The following ADGRB3 variants were observed in gnomAD, a reference collection of about 807,000 sequenced individuals.
ADGRB3 encodes adhesion G protein-coupled receptor B3, also known as brain-specific angiogenesis inhibitor 3.
ADGRB3 carries 37 observed loss-of-function variants against 193.4 expected under a neutral mutation model. That is an observed-to-expected ratio of 0.19 (90% confidence interval 0.15 to 0.25). The LOEUF (loss-of-function observed/expected upper bound fraction) is 0.25, where lower values mean the gene tolerates loss of function less well. Among genes scored for constraint, ADGRB3 ranks in the 10% least tolerant of loss-of-function variants. ADGRB3 has a pLI of 1.00. For missense variants in ADGRB3, 1,637 were observed against 1,852.9 expected, an observed-to-expected ratio of 0.88 and a Z score of 2.14; for synonymous variants, 690 against 644.2, an observed-to-expected ratio of 1.07 and a Z score of -1.08.
At chr6:69,091,454 C>A (rs544607402) in intron 17 of ADGRB3, among the ~76,000 whole-genome samples, 1 of 152,254 alleles carries the variant, frequency 6.6e-6, no homozygotes, top group African/African-American at 2.4e-5. Flanking sequence ...GAATACTATG[C>A]AGCCATAAAA....
chr6:68,687,308 C>T (rs1764999915), intron 3 of ADGRB3, among the ~76,000 whole-genome samples: 1 of 151,918 alleles, frequency 6.6e-6, no homozygotes, highest in Non-Finnish European at 1.5e-5. Flanking sequence ...TAAATGTACA[C>T]ACATGCTCAT....
chr6:68,858,035 C>T (rs1765036399), intron 3 of ADGRB3, among the ~76,000 whole-genome samples: 1 of 152,204 alleles, frequency 6.6e-6, no homozygotes, highest in African/African-American at 2.4e-5. Context: ...TTGCCTTCCA[C>T]CATGATTGTG....
intron 3 of ADGRB3, among the ~76,000 whole-genome samples, chr6:68,847,018 G>T (rs916988294): frequency 9.9e-5 from 15 of 152,194 alleles, no homozygotes; most frequent in African/African-American, 3.6e-4. Flanking sequence ...CCCACCTCTT[G>T]CATCAGCATG....
intron 3 of ADGRB3, among the ~76,000 whole-genome samples, chr6:68,789,644 T>A (rs967420964): frequency 2.0e-5 from 3 of 152,208 alleles, no homozygotes; most frequent in Non-Finnish European, 4.4e-5. Flanking sequence ...GAGTTGCTCT[T>A]CTCGATGAGT....
At chr6:69,227,917 T>A (rs993086758) in intron 17 of ADGRB3, among the ~76,000 whole-genome samples, 11 of 152,196 alleles carry the variant, frequency 7.2e-5, no homozygotes, top group African/African-American at 2.7e-4. Flanking sequence ...AAACAATCTG[T>A]CTAGATCAAA....
chr6:68,838,627 T>A (rs977387831), intron 3 of ADGRB3, among the ~76,000 whole-genome samples: 4 of 152,200 alleles, frequency 2.6e-5, no homozygotes, highest in African/African-American at 9.6e-5. Context: ...AATGGGATGC[T>A]AGAAAGCACA....
intron 3 of ADGRB3, among the ~76,000 whole-genome samples, chr6:68,929,512 C>G (rs897460437): frequency 2.0e-5 from 3 of 152,146 alleles, no homozygotes; most frequent in Non-Finnish European, 2.9e-5. Flanking sequence ...CACTGGAACA[C>G]ACTTCACCCA....
intron 3 of ADGRB3, among the ~76,000 whole-genome samples, chr6:68,699,685 A>C (rs1050611063): frequency 4.0e-5 from 6 of 151,620 alleles, no homozygotes; most frequent in African/African-American, 1.5e-4. Flanking sequence ...GAGCTCTTAG[A>C]GTGACATAAT....
At chr6:69,146,356 A>G (rs183806118) in intron 17 of ADGRB3, among the ~76,000 whole-genome samples, 4 of 152,330 alleles carry the variant, frequency 2.6e-5, no homozygotes, top group Admixed American at 6.5e-5. Context: ...GAGAATCCAG[A>G]CAGAGGAAAC....
intron 10 of ADGRB3, among the ~76,000 whole-genome samples, chr6:68,979,050 A>C (rs1180723065): frequency 6.6e-6 from 1 of 151,284 alleles, no homozygotes; most frequent in East Asian, 1.9e-4. Context: ...GAGGTAAACA[A>C]AAGGGCCATC....
At chr6:68,849,553 T>G (rs1768354840) in intron 3 of ADGRB3, among the ~76,000 whole-genome samples, 4 of 151,964 alleles carry the variant, frequency 2.6e-5, no homozygotes, top group Admixed American at 2.6e-4. Context: ...GAAATATATT[T>G]TATTGTTTTA....
intron 17 of ADGRB3, among the ~76,000 whole-genome samples, chr6:69,113,643 A>C (rs1331134330): frequency 2.0e-5 from 3 of 152,198 alleles, no homozygotes; most frequent in African/African-American, 7.2e-5. Context: ...AATTTATATC[A>C]TTTGTTACAA....
chr6:68,932,878 A>T (rs963605360), intron 4 of ADGRB3, among the ~76,000 whole-genome samples: 6 of 150,568 alleles, frequency 4.0e-5, no homozygotes, highest in African/African-American at 1.5e-4. Flanking sequence ...TTAATATTTA[A>T]GAATTACTTC....
intron 3 of ADGRB3, among the ~76,000 whole-genome samples, chr6:68,685,706 G>A (rs528585814): frequency 5.9e-5 from 9 of 151,492 alleles, no homozygotes; most frequent in African/African-American, 9.7e-5. Context: ...GTGAAACCCC[G>A]TCTCTACTAA....
chr6:69,158,092 C>T (rs538633470), intron 17 of ADGRB3, among the ~76,000 whole-genome samples: 39 of 152,162 alleles, frequency 2.6e-4, no homozygotes, highest in Admixed American at 1.4e-3. Context: ...CTTAATCTTA[C>T]GATACACATA....
intron 4 of ADGRB3, among the ~76,000 whole-genome samples, chr6:68,935,004 T>C (rs1273779391): frequency 6.6e-6 from 1 of 152,172 alleles, no homozygotes; most frequent in African/African-American, 2.4e-5. Flanking sequence ...CCAGTTACTA[T>C]TGTCTGTGCC....
intron 3 of ADGRB3, among the ~76,000 whole-genome samples, chr6:68,766,602 C>G (rs1307285251): frequency 6.6e-6 from 1 of 151,880 alleles, no homozygotes; most frequent in African/African-American, 2.4e-5. Context: ...TTTATATTTA[C>G]TTGATTTATG....
At chr6:68,730,921 A>C (rs955292318) in intron 3 of ADGRB3, among the ~76,000 whole-genome samples, 1 of 151,802 alleles carries the variant, frequency 6.6e-6, no homozygotes, top group African/African-American at 2.4e-5. Flanking sequence ...GCCTGCTTGG[A>C]TATCAAACAC....
chr6:68,680,228 G>T (rs953617784), intron 3 of ADGRB3, among the ~76,000 whole-genome samples: 1 of 151,892 alleles, frequency 6.6e-6, no homozygotes, highest in African/African-American at 2.4e-5. Flanking sequence ...TAAGACACAA[G>T]TATATTGTTG....
Sources: gnomAD v4.1 joint callset for allele counts (sites outside exome capture counted in the v4.1 genomes callset) on GRCh38, gnomAD v4.1.1 for gene constraint, MANE v1.5 for transcripts, NCBI Gene and HGNC (gene_info 2026-07-23, HGNC 2026-07-21) for gene names.